The following MS4A8 variants were observed in gnomAD, a reference collection of about 807,000 sequenced individuals.
MS4A8 encodes membrane spanning 4-domains A8, also known as membrane-spanning 4-domains subfamily A member 8.
A neutral mutation model predicts 23.7 loss-of-function variants in MS4A8; 27 were observed. The ratio of observed to expected loss-of-function variants is 1.14; its 90% confidence interval spans 0.84 to 1.57. The LOEUF is 1.57. Among genes scored for constraint, MS4A8 ranks in the 40% most tolerant of loss-of-function variants. MS4A8 has a pLI of 0.00. For missense variants in MS4A8, 301 were observed against 311.4 expected, an observed-to-expected ratio of 0.97 and a Z score of 0.25; for synonymous variants, 138 against 126.3, an observed-to-expected ratio of 1.09 and a Z score of -0.62.
At chr11:60,712,428 G>C (rs749134564) in intron 5 of MS4A8, 55 of 985,232 alleles carry the variant, frequency 5.6e-5, no homozygotes, top group Non-Finnish European at 6.3e-5. Flanking sequence ...AGGGGCTAAG[G>C]AGAGGCCTCT....
In MS4A8 at chr11:60,703,416, C is replaced by T; in HGVS notation, c.258C>T (p.Leu86=). The change falls in exon 3 of 7, where the codon CTC becomes CTT. Residue 86 remains leucine (L), a synonymous_variant. Transcript: ENST00000300226. ...TCATTGGCCTGGCTCACATCGGCCT[C>T]GGCTCCATCATGGCGACGGTTCTCG... is the stretch of plus-strand genomic sequence containing the variant. ...QIIIGLAHIG[L]GSIMATVLVG... 1 of 1,603,944 alleles carries T rather than the reference C, an allele frequency of 6.2e-7. No individual in the cohort carries two copies. Among genetic ancestry groups the T allele is most frequent in the Admixed American group, 1.7e-5 (1 of 58,324 alleles).
intron 5 of MS4A8, chr11:60,711,766 C>T (rs2088302291): frequency 4.4e-6 from 2 of 455,358 alleles, no homozygotes; most frequent in Non-Finnish European, 8.8e-6. Flanking sequence ...AGCAGCACAG[C>T]CAGGTGCCCT....
intron 5 of MS4A8, among the ~76,000 whole-genome samples, chr11:60,714,115 A>G (rs113789171): frequency 0.17 from 24,743 of 144,434 alleles, 3,162 homozygotes; most frequent in African/African-American, 0.27. Context: ...TAGTAGAGAC[A>G]GGGTTTCACC....
At chr11:60,704,025 G>A (rs980773744) in intron 3 of MS4A8, among the ~76,000 whole-genome samples, 5 of 152,108 alleles carry the variant, frequency 3.3e-5, no homozygotes, top group African/African-American at 1.2e-4. Context: ...ATTTGGTGGG[G>A]GATAGAGGGT....
intron 5 of MS4A8, among the ~76,000 whole-genome samples, chr11:60,709,727 C>T (rs1398777245): frequency 6.6e-6 from 1 of 152,118 alleles, no homozygotes; most frequent in Non-Finnish European, 1.5e-5. Flanking sequence ...CTCAAGTTCT[C>T]CTCCCCTCTC....
At chr11:60,714,755 A>T (rs937760609) in intron 5 of MS4A8, among the ~76,000 whole-genome samples, 3 of 152,086 alleles carry the variant, frequency 2.0e-5, no homozygotes, top group South Asian at 4.2e-4. Context: ...AGGTCTCCAC[A>T]CCCAAAGCAA....
chr11:60,707,747 A>G (rs1490161853), intron 4 of MS4A8, among the ~76,000 whole-genome samples: 3 of 148,342 alleles, frequency 2.0e-5, no homozygotes, highest in African/African-American at 5.0e-5. Context: ...CTAAGATTCT[A>G]TTTATCCTAT....
rs934774593 is a variant in MS4A8, at chr11:60,700,792, G to A, written c.-1-68G>A. ...AAGATGCTCCAATGAGCTAGAAGAA[G>A]CAAAAGTCCTTTTTAAAGGACAAGT... On this transcript the variant is annotated intron_variant, in intron 1 of 6. Coordinates refer to ENST00000300226, the MANE Select transcript of MS4A8 (RefSeq NM_031457.2). 2.0e-5 allele frequency: 30 copies of A among 1,525,304 alleles called. No homozygotes were observed. In the Admixed American group the frequency reaches 2.7e-4, roughly 14 times the overall value. The allele number at this position is 1,525,304 out of a possible 1,614,324, so 94.5% of individuals were successfully genotyped here. A position where few individuals can be genotyped will look rare whatever the true frequency, so the allele number is the denominator to read the frequency against.
chr11:60,708,946 G>A (rs78107945), intron 5 of MS4A8, 165 bp downstream of exon 5: 8,077 of 712,850 alleles, frequency 0.011, 257 homozygotes, highest in East Asian at 0.069. Context: ...ATAGCTTTAA[G>A]CACATGACCT....
At chr11:60,708,567 A>G (rs564933903) in intron 4 of MS4A8, 83 bp from the exon 5 acceptor site, 297 of 1,394,012 alleles carry the variant, frequency 2.1e-4, no homozygotes, top group Non-Finnish European at 2.3e-4. Context: ...AATTGGGGGG[A>G]AAAAGAAACA....
Position 60,707,053 on chromosome 11 carries a change from T to A in MS4A8, c.402+6T>A, listed in dbSNP as rs1470170780. 6.2e-7 allele frequency: 1 copy of A among 1,612,880 alleles called. No homozygotes were observed. Among genetic ancestry groups the A allele is most frequent in the Non-Finnish European group, 8.5e-7 (1 of 1,178,846 alleles). On this transcript the variant is annotated splice_donor_region_variant and intron_variant, in intron 4 of 6. Coordinates refer to ENST00000300226, the MANE Select transcript of MS4A8 (RefSeq NM_031457.2). ...AGCCATATTCTTATTGCCTGGTAAGTTACATTCTGAGACCAGCTCTTCCAA... is the reference window on the plus strand; with the variant it reads ...AGCCATATTCTTATTGCCTGGTAAGATACATTCTGAGACCAGCTCTTCCAA...
At position 60,715,531 on chromosome 11, in the gene MS4A8, G is replaced by C. The variant is rs1370905324; in HGVS notation, c.*117G>C. On this transcript the variant is annotated 3_prime_UTR_variant, in exon 7 of 7. Coordinates refer to ENST00000300226, the MANE Select transcript of MS4A8 (RefSeq NM_031457.2). ...CAGCTGAGGAAACGTCTCTCCCACTGTTTGTACTCTCACCTTCATTCTTCA... is the reference window on the plus strand; with the variant it reads ...CAGCTGAGGAAACGTCTCTCCCACTCTTTGTACTCTCACCTTCATTCTTCA... 9 of 696,738 alleles carry C rather than the reference G, an allele frequency of 1.3e-5. No homozygotes were observed. The highest frequency in any genetic ancestry group is 2.0e-5 in the Non-Finnish European group (8 of 405,054). 43.2% of individuals were successfully genotyped at this position (696,738 alleles called of 1,614,324 possible).
At chr11:60,703,596 G>C (rs1007856322) in intron 3 of MS4A8, 96 bp downstream of exon 3, 1 of 1,428,860 alleles carries the variant, frequency 7.0e-7, no homozygotes, top group African/African-American at 1.5e-5. Flanking sequence ...CCTGCAGAAG[G>C]TTCCCAGCCA....
chr11:60,706,007 G>C lies in MS4A8; in HGVS notation c.343-981G>C, dbSNP rs138594409. ...GTTGAACAAGTACTTCATCTGTTGG[G>C]GGGAGGGCGGTGATGGGTTGCTAGT... On this transcript the variant is annotated intron_variant, in intron 3 of 6. Coordinates refer to ENST00000300226, the MANE Select transcript of MS4A8 (RefSeq NM_031457.2). Among the ~76,000 whole-genome samples the C allele has an allele frequency of 8.1e-3, 1,229 of 152,286 alleles. 13 individuals carry two copies. The highest frequency in any genetic ancestry group is 0.027 in the African/African-American group (1,139 of 41,542).
At chr11:60,711,033 C>A (rs1277679558) in intron 5 of MS4A8, among the ~76,000 whole-genome samples, 1 of 152,208 alleles carries the variant, frequency 6.6e-6, no homozygotes, top group Non-Finnish European at 1.5e-5. Context: ...CGCTTCCCTT[C>A]CCCTTATCTA....
chr11:60,704,039 G>A (rs2088230522), intron 3 of MS4A8, among the ~76,000 whole-genome samples: 1 of 151,944 alleles, frequency 6.6e-6, no homozygotes, highest in Non-Finnish European at 1.5e-5. Flanking sequence ...AGAGGGTGTG[G>A]ACACAATTCA....
chr11:60,699,923 AG>A (rs1170141329), intron 1 of MS4A8, 148 bp downstream of exon 1: 2 of 152,318 alleles, frequency 1.3e-5, no homozygotes, highest in Non-Finnish European at 2.9e-5. Context: ...AGAAAGAAAG[AG>A]AAAGATAGGA....
chr11:60,701,066 G>C lies in MS4A8; in HGVS notation c.206G>C (p.Gly69Ala). The C allele has an allele frequency of 6.2e-7, 1 of 1,614,108 alleles. No individual in the cohort carries two copies. The highest frequency in any genetic ancestry group is 8.5e-7 in the Non-Finnish European group (1 of 1,180,010). Reference sequence around the variant, plus strand: ...CCTGTGCAGAAAGCTCTGAAAGAAGGCAAAACCTTGGGGGTAAGTGAGATT... The same window carrying C: ...CCTGTGCAGAAAGCTCTGAAAGAAGCCAAAACCTTGGGGGTAAGTGAGATT... ...GQPVQKALKE[G>A]KTLGAIQIII... The change falls in exon 2 of 7, where the codon GGC becomes GCC. Residue 69 changes from glycine to alanine, a missense_variant. By Grantham distance (60) the Gly-to-Ala change is moderately conservative. Transcript: ENST00000300226.
rs753447213 is a variant in MS4A8 at position 60,701,091 on chromosome 11, T to G, written c.219+12T>G. On this transcript the variant is annotated intron_variant, in intron 2 of 6. Coordinates refer to ENST00000300226, the MANE Select transcript of MS4A8 (RefSeq NM_031457.2). ...GCAAAACCTTGGGGGTAAGTGAGAT[T>G]TCCCTTTGCAGGCCACAGACTGCAC... 6.2e-7 allele frequency: 1 copy of G among 1,612,336 alleles called. No individual in the cohort carries two copies. The highest frequency in any genetic ancestry group is 8.5e-7 in the Non-Finnish European group (1 of 1,178,792).
Sources: allele counts gnomAD v4.1 joint callset (sites outside exome capture counted in the v4.1 genomes callset), GRCh38; gene constraint gnomAD v4.1.1; transcripts MANE v1.5; gene names NCBI Gene and HGNC (gene_info 2026-07-23, HGNC 2026-07-21).